Variants in PTPRD observed in about 807,000 individuals in gnomAD.
The protein encoded by PTPRD is protein tyrosine phosphatase receptor type D, also known as receptor-type tyrosine-protein phosphatase delta.
In PTPRD, 34 loss-of-function variants were observed where a neutral mutation model predicts 214.5. That is an observed-to-expected ratio of 0.16 (90% CI 0.12 to 0.21). The LOEUF (loss-of-function observed/expected upper bound fraction) is 0.21, where lower values mean the gene tolerates loss of function less well. Ranked by LOEUF, PTPRD falls within the 10% of genes least tolerant of loss-of-function variation. The probability of loss-of-function intolerance (pLI) is 1.00; values close to 1 mark genes in which losing one functional copy is unlikely to be tolerated. For missense variants in PTPRD, 2,545 were observed against 2,398.7 expected, an observed-to-expected ratio of 1.06 and a Z score of -1.27; for synonymous variants, 1,128 against 845.7, an observed-to-expected ratio of 1.33 and a Z score of -5.79.
At chr9:8,641,765 C>T (rs867211403) in intron 12 of PTPRD, among the ~76,000 whole-genome samples, 3 of 152,204 alleles carry the variant, frequency 2.0e-5, no homozygotes, top group African/African-American at 2.4e-5. Flanking sequence ...ACAAACTGCG[C>T]ACTGATTTTT....
intron 10 of PTPRD, among the ~76,000 whole-genome samples, chr9:9,059,173 C>T (rs905604546): frequency 6.6e-6 from 1 of 152,098 alleles, no homozygotes; most frequent in African/African-American, 2.4e-5. Flanking sequence ...CAGATGAAGT[C>T]AGAAATCATA....
chr9:8,531,740 T>G (rs143770754), intron 14 of PTPRD, among the ~76,000 whole-genome samples: 1 of 152,112 alleles, frequency 6.6e-6, no homozygotes, highest in Non-Finnish European at 1.5e-5. Flanking sequence ...TACAAGTTCA[T>G]CTCTCGGAAG....
intron 7 of PTPRD, among the ~76,000 whole-genome samples, chr9:9,721,079 C>T (rs2097930292): frequency 6.6e-6 from 1 of 152,024 alleles, no homozygotes; most frequent in Non-Finnish European, 1.5e-5. Context: ...TACAACAAAC[C>T]TCTGTGACAT....
intron 5 of PTPRD, among the ~76,000 whole-genome samples, chr9:9,924,876 G>C (rs113304846): frequency 2.0e-5 from 3 of 152,170 alleles, no homozygotes; most frequent in African/African-American, 4.8e-5. Flanking sequence ...GAATATGTTT[G>C]AATGAAGCAC....
At chr9:10,365,197 A>T (rs1045821274) in intron 2 of PTPRD, among the ~76,000 whole-genome samples, 1 of 152,136 alleles carries the variant, frequency 6.6e-6, no homozygotes, top group Admixed American at 6.5e-5. Context: ...TACTCTCCTC[A>T]GACAGGCTTT....
rs141144265 is a variant in PTPRD, at chr9:8,705,511, A to C, written c.64+28269T>G. Among the ~76,000 whole-genome samples the C allele has an allele frequency of 1.3e-3, 193 of 152,314 alleles. 1 individual carries two copies. The East Asian group carries it at 0.023, about 18-fold the overall frequency. ...AAGTAATACTAGTTTTGGATTTTGA[A>C]TTATTTCCTGATTACTTGGGAACAT... On this transcript the variant is annotated intron_variant, in intron 12 of 45. Transcript: ENST00000381196.
Position 9,297,833 on chromosome 9 carries a change from G to GT in PTPRD, c.-203+99615_-203+99616insA, listed in dbSNP as rs200050630. Among the ~76,000 whole-genome samples, 1,230 of 151,636 alleles carry GT rather than the reference G, an allele frequency of 8.1e-3. 18 individuals are homozygous for GT. Among genetic ancestry groups the GT allele is most frequent in the African/African-American group, 0.028 (1,176 of 41,440 alleles). The stretch of plus-strand genomic sequence containing the variant: ...ATGACTAGCTTAGGACATTGGCAGT[G>GT]GGGACTTACACAGAGATAACTATGT... On this transcript the variant is annotated intron_variant, in intron 9 of 45. Coordinates refer to ENST00000381196, the MANE Select transcript of PTPRD (RefSeq NM_002839.4).
chr9:9,324,731 A>G (rs1968891697), intron 9 of PTPRD, among the ~76,000 whole-genome samples: 1 of 151,976 alleles, frequency 6.6e-6, no homozygotes, highest in Non-Finnish European at 1.5e-5. Context: ...TTTTGTTGCC[A>G]TTGCTTTTGG....
chr9:9,921,522 G>C (rs1360111643), intron 5 of PTPRD, among the ~76,000 whole-genome samples: 1 of 151,492 alleles, frequency 6.6e-6, no homozygotes, highest in East Asian at 1.9e-4. Flanking sequence ...AGAAAGTCCT[G>C]ATTCTTTCTG....
intron 14 of PTPRD, among the ~76,000 whole-genome samples, chr9:8,604,105 C>G (rs1460117144): frequency 6.6e-6 from 1 of 152,198 alleles, no homozygotes; most frequent in East Asian, 1.9e-4. Flanking sequence ...CATTGACAAT[C>G]TACTATGTGC....
intron 7 of PTPRD, among the ~76,000 whole-genome samples, chr9:9,674,792 G>A (rs1305457878): frequency 2.6e-5 from 4 of 151,780 alleles, no homozygotes; most frequent in African/African-American, 4.8e-5. Context: ...CAAATAAAAA[G>A]ATTTTGATAC....
At chr9:9,964,587 C>G (rs1450637851) in intron 4 of PTPRD, among the ~76,000 whole-genome samples, 1 of 152,136 alleles carries the variant, frequency 6.6e-6, no homozygotes, top group Non-Finnish European at 1.5e-5. Flanking sequence ...TGGGGCAAAT[C>G]TACTTTTCCA....
intron 11 of PTPRD, among the ~76,000 whole-genome samples, chr9:8,791,515 T>A (rs1307993699): frequency 7.0e-6 from 1 of 141,994 alleles, no homozygotes; most frequent in African/African-American, 2.6e-5. Flanking sequence ...TGAGCCACCA[T>A]GCCCAGACTT....
At position 9,129,727 on chromosome 9, in the gene PTPRD, A is replaced by G. The variant is rs111489776; in HGVS notation, c.-143+53577T>C. ...TCACTAGCCAGATTTTTTTCCCTTT[A>G]TTATTTAACTGGAATATACTGTTTG... On this transcript the variant is annotated intron_variant, in intron 10 of 45. Transcript: ENST00000381196. Among the ~76,000 whole-genome samples the G allele has an allele frequency of 1.6e-3, 249 of 152,122 alleles. 1 individual carries two copies. Among genetic ancestry groups the G allele is most frequent in the African/African-American group, 5.0e-3 (208 of 41,514 alleles).
intron 5 of PTPRD, among the ~76,000 whole-genome samples, chr9:9,882,472 G>C (rs1459892481): frequency 6.6e-6 from 1 of 151,896 alleles, no homozygotes; most frequent in Non-Finnish European, 1.5e-5. Flanking sequence ...GAGGATGAAG[G>C]GTACTGATAT....
At chr9:9,679,063 G>T (rs762547330) in intron 7 of PTPRD, among the ~76,000 whole-genome samples, 47 of 150,498 alleles carry the variant, frequency 3.1e-4, no homozygotes, top group Non-Finnish European at 1.5e-4. Context: ...GCTTATTAGG[G>T]AGTCAAAATT....
intron 3 of PTPRD, among the ~76,000 whole-genome samples, chr9:10,237,054 C>T (rs1234405560): frequency 4.6e-5 from 7 of 151,726 alleles, no homozygotes. Flanking sequence ...AAGTACAATA[C>T]CAAGAGTCAA....
intron 10 of PTPRD, among the ~76,000 whole-genome samples, chr9:9,092,832 A>G (rs1218468177): frequency 6.6e-6 from 1 of 152,080 alleles, no homozygotes; most frequent in Admixed American, 6.5e-5. Flanking sequence ...CATCAACCAT[A>G]CCAATAATTT....
chr9:8,431,146 CAACA>C (rs1338325059), intron 35 of PTPRD, among the ~76,000 whole-genome samples: 5 of 152,158 alleles, frequency 3.3e-5, no homozygotes, highest in Admixed American at 1.3e-4. Flanking sequence ...TGTGTCACCA[CAACA>C]AACAGTCAAT....
Sources: gnomAD v4.1 joint callset for allele counts (sites outside exome capture counted in the v4.1 genomes callset) on GRCh38, gnomAD v4.1.1 for gene constraint, MANE v1.5 for transcripts, NCBI Gene and HGNC (gene_info 2026-07-23, HGNC 2026-07-21) for gene names.